Variants in LTAP1 observed in about 807,000 individuals in gnomAD.
LTAP1 encodes lipid transport auxiliary protein 1, also known as HCV NS5A-transactivated protein 4.
At chr1:154,212,022 A>C in the LTAP1 span, 1 of 300,876 alleles carries the variant, frequency 3.3e-6, no homozygotes, top group Non-Finnish European at 6.5e-6. Flanking sequence ...ACGCCCGGCT[A>C]ATTTTGTATT....
At chr1:154,211,050 C>T in the LTAP1 span, among the ~76,000 whole-genome samples, 1 of 151,554 alleles carries the variant, frequency 6.6e-6, no homozygotes, top group Admixed American at 6.6e-5. Flanking sequence ...CTTGTCACCC[C>T]AGCTGAAGTG....
chr1:154,213,856 C>G, the LTAP1 span: 2 of 1,587,974 alleles, frequency 1.3e-6, no homozygotes, highest in East Asian at 2.2e-5. Flanking sequence ...GGTGGGCTTT[C>G]AGGATCCTAG....
chr1:154,210,868 T>A, the LTAP1 span, among the ~76,000 whole-genome samples: 1 of 152,162 alleles, frequency 6.6e-6, no homozygotes, highest in Non-Finnish European at 1.5e-5. Flanking sequence ...TAGTGTGTAT[T>A]AAAAACATTC....
the LTAP1 span, chr1:154,213,991 C>A: frequency 2.5e-6 from 4 of 1,577,718 alleles, no homozygotes; most frequent in African/African-American, 5.5e-5. Context: ...TAAAAATATT[C>A]CCCAGGCTGG....
chr1:154,216,803 C>A, the LTAP1 span, among the ~76,000 whole-genome samples: 1 of 151,910 alleles, frequency 6.6e-6, no homozygotes, highest in African/African-American at 2.4e-5. Flanking sequence ...CGTGAACCAC[C>A]GCGCCTGGCC....
chr1:154,216,940 C>A, the LTAP1 span, among the ~76,000 whole-genome samples: 1 of 151,804 alleles, frequency 6.6e-6, no homozygotes, highest in African/African-American at 2.4e-5. Context: ...TAAACCACCT[C>A]GCCTGGCCTT....
chr1:154,207,839 G>A, the LTAP1 span, among the ~76,000 whole-genome samples: 5 of 152,160 alleles, frequency 3.3e-5, no homozygotes, highest in African/African-American at 9.7e-5. Flanking sequence ...GGTGGCTCAC[G>A]CCTGTAATCC....
the LTAP1 span, among the ~76,000 whole-genome samples, chr1:154,211,553 T>A: frequency 1.3e-5 from 2 of 150,866 alleles, no homozygotes; most frequent in African/African-American, 4.9e-5. Flanking sequence ...GCTAGGATGG[T>A]CTTGATCTCT....
the LTAP1 span, among the ~76,000 whole-genome samples, chr1:154,210,879 C>T: frequency 1.3e-5 from 2 of 152,138 alleles, no homozygotes; most frequent in Non-Finnish European, 2.9e-5. Context: ...AAAAACATTC[C>T]CAAACAAAAG....
At chr1:154,213,445 T>C in the LTAP1 span, 696 of 160,534 alleles carry the variant, frequency 4.3e-3, 7 homozygotes, top group African/African-American at 0.015. Context: ...CTATGACACA[T>C]GATAGTGTCA....
the LTAP1 span, chr1:154,207,679 G>A: frequency 6.5e-7 from 1 of 1,537,044 alleles, no homozygotes; most frequent in Non-Finnish European, 8.8e-7. Context: ...GTCATTGACA[G>A]AATGAGGACT....
chr1:154,207,538 G>A, the LTAP1 span: 1 of 1,614,174 alleles, frequency 6.2e-7, no homozygotes, highest in Non-Finnish European at 8.5e-7. Flanking sequence ...CTTCTGACTG[G>A]AGGGGAGGTA....
At chr1:154,215,190 C>T in the LTAP1 span, among the ~76,000 whole-genome samples, 2 of 152,052 alleles carry the variant, frequency 1.3e-5, no homozygotes, top group African/African-American at 4.8e-5. Flanking sequence ...AGGTATGCAC[C>T]TAGCTAGAGG....
At chr1:154,212,938 G>A in the LTAP1 span, among the ~76,000 whole-genome samples, 55 of 152,194 alleles carry the variant, frequency 3.6e-4, no homozygotes, top group African/African-American at 1.2e-3. Flanking sequence ...CTCCCAAAGC[G>A]TTGGGATTAC....
At chr1:154,213,878 T>C in the LTAP1 span, 6 of 1,610,060 alleles carry the variant, frequency 3.7e-6, 1 homozygote, top group South Asian at 6.6e-5. Flanking sequence ...ATGGACCCTG[T>C]CAGGTAGCCC....
chr1:154,212,539 A>G, the LTAP1 span: 11 of 1,614,204 alleles, frequency 6.8e-6, no homozygotes, highest in South Asian at 9.9e-5. Context: ...AAGGCGTACT[A>G]GTGTTTCGCA....
At chr1:154,211,751 A>G in the LTAP1 span, 1 of 153,852 alleles carries the variant, frequency 6.5e-6, no homozygotes, top group Non-Finnish European at 1.4e-5. Context: ...GGCTACACCA[A>G]TTTTGACATT....
chr1:154,207,655 A>G, the LTAP1 span: 1 of 1,591,592 alleles, frequency 6.3e-7, no homozygotes, highest in South Asian at 1.1e-5. Context: ...AACCCTGAAG[A>G]ACAGAGAGGG....
chr1:154,215,557 C>T, the LTAP1 span, among the ~76,000 whole-genome samples: 1 of 145,032 alleles, frequency 6.9e-6, no homozygotes, highest in South Asian at 2.2e-4. Flanking sequence ...CAGAGTGAGA[C>T]GTCTCCAAAA....
Sources: gnomAD v4.1 joint callset for allele counts (sites outside exome capture counted in the v4.1 genomes callset) on GRCh38, gnomAD v4.1.1 for gene constraint, MANE v1.5 for transcripts, NCBI Gene and HGNC (gene_info 2026-07-23, HGNC 2026-07-21) for gene names.